XPNPEP1: variants seen among roughly 807,000 people sequenced by gnomAD.
XPNPEP1 encodes the protein X-prolyl aminopeptidase 1.
XPNPEP1 carries 39 observed loss-of-function variants against 92.4 expected under a neutral mutation model. The ratio of observed to expected loss-of-function variants is 0.42; its 90% CI spans 0.33 to 0.55. XPNPEP1 has a LOEUF of 0.55. XPNPEP1 is among the 20% of genes least tolerant of loss of function. XPNPEP1 has a pLI of 0.08. For synonymous variants in XPNPEP1, 307 were observed against 299.4 expected (o/e 1.03, Z -0.26); for missense variants, 654 against 856.1 (o/e 0.76, Z 2.95).
chr10:109,895,433 AG>A (rs1163989736), intron 3 of XPNPEP1, among the ~76,000 whole-genome samples: 1 of 152,224 alleles, frequency 6.6e-6, no homozygotes, highest in African/African-American at 2.4e-5. Context: ...CTCCAAAGGG[AG>A]GTGGAATTAA....
intron 3 of XPNPEP1, among the ~76,000 whole-genome samples, chr10:109,903,972 G>C (rs1170063624): frequency 6.6e-6 from 1 of 151,006 alleles, no homozygotes; most frequent in Non-Finnish European, 1.5e-5. Context: ...AGCCTCCCAA[G>C]TACTCAGGAC....
At chr10:109,887,269 C>T (rs367953172) in intron 7 of XPNPEP1, among the ~76,000 whole-genome samples, 7 of 152,222 alleles carry the variant, frequency 4.6e-5, no homozygotes, top group African/African-American at 1.4e-4. Context: ...CTCACTGGAC[C>T]CATCCTCCCC....
rs1564759296 is a variant in XPNPEP1 at position 109,882,569 on chromosome 10, C to G, written c.904G>C (p.Ala302Pro). The change falls in exon 10 of 21, where the codon GCC (alanine) becomes CCC (proline). Residue 302 changes from alanine to proline, a missense_variant. Physicochemically the swap from Ala to Pro is conservative, Grantham distance 27. Transcript: ENST00000502935. ...GGATGCACCTGGATCCTGTATTCGG[C>G]TTCCAGACCCAAGTCAAGAAGCAGG... The part of the protein sequence containing the change: ...EHLLLDLGLE[A>P]EYRIQVHPYK... The G allele has an allele frequency of 6.2e-7, 1 of 1,614,228 alleles. No individual in the cohort carries two copies.
chr10:109,866,738 AAAATAAAGGCT>A (rs1374029500), intron 20 of XPNPEP1, among the ~76,000 whole-genome samples: 7 of 152,262 alleles, frequency 4.6e-5, no homozygotes, highest in Non-Finnish European at 7.3e-5. Context: ...AAGTGACTCC[AAAATAAAGGCT>A]AAATAGTAAA....
chr10:109,891,653 C>T, intron 5 of XPNPEP1, 69 bp downstream of exon 5: 3 of 1,283,556 alleles, frequency 2.3e-6, no homozygotes, highest in Non-Finnish European at 3.2e-6. Flanking sequence ...ATCCAGGAGT[C>T]CTGAGGACCT....
intron 5 of XPNPEP1, among the ~76,000 whole-genome samples, chr10:109,890,917 C>T (rs1848673506): frequency 6.6e-6 from 1 of 152,130 alleles, no homozygotes; most frequent in Non-Finnish European, 1.5e-5. Context: ...TTATTTCCTA[C>T]AACAAACAAG....
At chr10:109,869,780 G>A (rs1208293541) in intron 19 of XPNPEP1, 173 bp downstream of exon 19, 2 of 572,984 alleles carry the variant, frequency 3.5e-6, no homozygotes, top group Non-Finnish European at 6.1e-6. Flanking sequence ...GCTCCATGTT[G>A]GCCCCAGAAT....
chr10:109,914,878 C>A, intron 2 of XPNPEP1, 133 bp downstream of exon 2: 5 of 410,798 alleles, frequency 1.2e-5, no homozygotes, highest in Admixed American at 4.6e-5. Flanking sequence ...TGGTTTTTAA[C>A]TTCCAGATAC....
chr10:109,908,479 G>A (rs1849676322), intron 2 of XPNPEP1, among the ~76,000 whole-genome samples: 1 of 152,144 alleles, frequency 6.6e-6, no homozygotes, highest in South Asian at 2.1e-4. Flanking sequence ...GCACGTGCCT[G>A]TAGTCCCAGC....
intron 5 of XPNPEP1, 104 bp from the exon 6 acceptor site, chr10:109,888,699 T>C: frequency 1.1e-6 from 1 of 870,704 alleles, no homozygotes. Context: ...GGGTCTTTAT[T>C]AAGCAGCTTC....
intron 7 of XPNPEP1, 108 bp from the exon 8 acceptor site, chr10:109,886,449 G>T: frequency 3.0e-6 from 3 of 1,006,184 alleles, no homozygotes; most frequent in Non-Finnish European, 4.5e-6. Context: ...TTTCTTACAG[G>T]AGCACGCTAC....
intron 10 of XPNPEP1, among the ~76,000 whole-genome samples, 192 bp from the exon 11 acceptor site, chr10:109,881,123 C>G (rs1385295369): frequency 6.6e-6 from 1 of 152,182 alleles, no homozygotes; most frequent in African/African-American, 2.4e-5. Context: ...AGCTTAAGCT[C>G]AACCAAAAAG....
chr10:109,870,652 A>G, intron 18 of XPNPEP1, 79 bp downstream of exon 18: 1 of 1,504,066 alleles, frequency 6.6e-7, no homozygotes, highest in Non-Finnish European at 8.9e-7. Flanking sequence ...CTTTAAACTA[A>G]TTAAAAAATA....
At position 109,907,735 on chromosome 10, in the gene XPNPEP1, C is replaced by T. The variant is rs765142495; in HGVS notation, c.202G>A (p.Glu68Lys). ...QAMRNSEYVT[E>K]PIQAYIIPSG... ...GGGATGATGTAGGCCTGGATCGGTT[C>T]GGTCACATACTCAGAGTTCCTCATG... Residue 68 changes from glutamate (E) to lysine (K), a missense_variant, in exon 3 of 21, where the codon GAA becomes AAA. By Grantham distance (56) the Glu-to-Lys change is moderately conservative. Coordinates refer to ENST00000502935, the MANE Select transcript of XPNPEP1 (RefSeq NM_020383.4). 11 of 1,614,102 alleles carry T rather than the reference C, an allele frequency of 6.8e-6. No individual in the cohort carries two copies. The South Asian group carries it at 8.8e-5, about 13-fold the overall frequency.
At chr10:109,913,788 A>T (rs1850017388) in intron 2 of XPNPEP1, among the ~76,000 whole-genome samples, 1 of 152,230 alleles carries the variant, frequency 6.6e-6, no homozygotes, top group South Asian at 2.1e-4. Context: ...GCTGGGATCT[A>T]CAACCTCAGG....
chr10:109,879,746 G>C (rs1461785055), intron 12 of XPNPEP1, among the ~76,000 whole-genome samples: 1 of 152,014 alleles, frequency 6.6e-6, no homozygotes, highest in Non-Finnish European at 1.5e-5. Flanking sequence ...TAACACCACA[G>C]AGAAACCACC....
Position 109,877,867 on chromosome 10 carries a change from C to G in XPNPEP1, c.1242G>C (p.Arg414Ser), listed in dbSNP as rs756429725. 6.2e-7 allele frequency: 1 copy of G among 1,614,204 alleles called. No individual in the cohort carries two copies. The highest frequency in any genetic ancestry group is 1.1e-5 in the South Asian group (1 of 91,084). ...SAADKAEEFR[R>S]QQADFVDLSF... ...TCAGGTCCACAAAGTCTGCCTGTTG[C>G]CTGTAACAGAAAGACAGAAAGCAGA... Residue 414 changes from arginine (R) to serine (S), a missense_variant and splice_region_variant, in exon 14 of 21, where the codon AGG becomes AGC. By Grantham distance (110) the Arg-to-Ser change is moderately radical. Transcript: ENST00000502935.
intron 1 of XPNPEP1, among the ~76,000 whole-genome samples, chr10:109,922,353 G>A (rs1420344234): frequency 6.6e-6 from 1 of 152,164 alleles, no homozygotes; most frequent in Non-Finnish European, 1.5e-5. Context: ...GAGGCCTACA[G>A]CCTAACTCAT....
At chr10:109,919,200 G>T (rs1299810522) in intron 1 of XPNPEP1, among the ~76,000 whole-genome samples, 3 of 152,230 alleles carry the variant, frequency 2.0e-5, no homozygotes, top group Non-Finnish European at 4.4e-5. Flanking sequence ...GAAAATGGAT[G>T]ACAACCCACA....
Sources: gnomAD v4.1 joint callset for allele counts (sites outside exome capture counted in the v4.1 genomes callset) on GRCh38, gnomAD v4.1.1 for gene constraint, MANE v1.5 for transcripts, NCBI Gene and HGNC (gene_info 2026-07-23, HGNC 2026-07-21) for gene names.